SLC9C1: variants seen among roughly 807,000 people sequenced by gnomAD.
The protein encoded by SLC9C1 is sodium/hydrogen exchanger 10.
A neutral mutation model predicts 140.9 loss-of-function variants in SLC9C1; 97 were observed. The ratio of observed to expected loss-of-function variants is 0.69; its 90% CI spans 0.58 to 0.82. SLC9C1 has a LOEUF of 0.82. SLC9C1 is among the 40% of genes least tolerant of loss of function. The probability of loss-of-function intolerance (pLI) is 0.00; values close to 1 mark genes in which losing one functional copy is unlikely to be tolerated. For synonymous variants in SLC9C1, 440 were observed against 442.6 expected, an observed-to-expected ratio of 0.99 and a Z score of 0.07; for missense variants, 1,340 against 1,389.3, an observed-to-expected ratio of 0.96 and a Z score of 0.56.
At chr3:112,152,140 T>G (rs1332970106) in intron 27 of SLC9C1, among the ~76,000 whole-genome samples, 177 bp from the exon 28 acceptor site, 4 of 152,152 alleles carry the variant, frequency 2.6e-5, no homozygotes, top group African/African-American at 9.7e-5. Flanking sequence ...GCACTCAGCA[T>G]AGGGAAGACC....
rs2074645317 is a variant in SLC9C1, at chr3:112,142,110, C to G, written c.3525-829G>C. The stretch of plus-strand genomic sequence containing the variant: ...ATCCCTAGAAGCATAATCACTAATT[C>G]AAAGTGTGTGAGCATTCTTATAACT... On this transcript the variant is annotated intron_variant, in intron 28 of 28. Coordinates refer to ENST00000305815, the MANE Select transcript of SLC9C1 (RefSeq NM_183061.3). Among the ~76,000 whole-genome samples, 3 of 152,088 alleles carry G rather than the reference C, an allele frequency of 2.0e-5. No homozygotes were observed. In the South Asian group the frequency reaches 6.2e-4, roughly 32 times the overall value.
intron 13 of SLC9C1, among the ~76,000 whole-genome samples, chr3:112,226,522 G>A (rs1472942278): frequency 1.3e-5 from 2 of 152,014 alleles, no homozygotes; most frequent in Non-Finnish European, 2.9e-5. Context: ...AGGAGTTTGA[G>A]ACCAGCCTGG....
intron 28 of SLC9C1, among the ~76,000 whole-genome samples, chr3:112,143,398 A>G (rs1014846388): frequency 2.0e-5 from 3 of 152,026 alleles, no homozygotes; most frequent in African/African-American, 7.2e-5. Flanking sequence ...GCTTCATCAT[A>G]TCTGTTGTTT....
At chr3:112,203,073 C>G (rs1311594678) in intron 17 of SLC9C1, among the ~76,000 whole-genome samples, 1 of 152,030 alleles carries the variant, frequency 6.6e-6, no homozygotes, top group Non-Finnish European at 1.5e-5. Context: ...AGTCTTTTCT[C>G]ATTCTGTGCA....
At chr3:112,175,579 C>T (rs1420346686) in intron 23 of SLC9C1, among the ~76,000 whole-genome samples, 1 of 152,212 alleles carries the variant, frequency 6.6e-6, no homozygotes, top group Non-Finnish European at 1.5e-5. Context: ...GATGGTGGTC[C>T]ACCCTCCCTC....
At chr3:112,236,117 TAAGCTATTAATTATTGCTTCC>T (rs1297816973) in intron 12 of SLC9C1, among the ~76,000 whole-genome samples, 2 of 152,206 alleles carry the variant, frequency 1.3e-5, no homozygotes, top group Non-Finnish European at 2.9e-5. Flanking sequence ...TTTTGGTTGG[TAAGCTATTAATTATTGCTTCC>T]ATTTCAGAGC....
At chr3:112,256,479 T>A (rs2079609858) in intron 10 of SLC9C1, among the ~76,000 whole-genome samples, 1 of 152,080 alleles carries the variant, frequency 6.6e-6, no homozygotes, top group Non-Finnish European at 1.5e-5. Context: ...TATATGATGA[T>A]CTCCATAGAT....
At chr3:112,158,072 G>A (rs1280841713) in intron 26 of SLC9C1, among the ~76,000 whole-genome samples, 1 of 151,818 alleles carries the variant, frequency 6.6e-6, no homozygotes, top group Non-Finnish European at 1.5e-5. Context: ...TGATAAAAGT[G>A]GACATCCTTG....
chr3:112,202,210 G>T (rs769284186), intron 18 of SLC9C1, 40 bp downstream of exon 18: 2 of 1,604,190 alleles, frequency 1.2e-6, no homozygotes, highest in African/African-American at 2.7e-5. Context: ...GCAACTGAGG[G>T]CTGAGTGAAC....
At chr3:112,141,312 A>G (rs1326225297) in intron 28 of SLC9C1, 31 bp from the exon 29 acceptor site, 1 of 1,571,738 alleles carries the variant, frequency 6.4e-7, no homozygotes, top group African/African-American at 1.4e-5. Context: ...AAACAAAAAC[A>G]TAGAGGGCTT....
At chr3:112,186,031 A>C in intron 20 of SLC9C1, 1 of 1,383,074 alleles carries the variant, frequency 7.2e-7, no homozygotes, top group Admixed American at 2.6e-5. Flanking sequence ...TGTATTAGCC[A>C]TTTAAATATC....
chr3:112,143,965 A>G (rs967220690), intron 28 of SLC9C1, among the ~76,000 whole-genome samples: 1 of 152,070 alleles, frequency 6.6e-6, no homozygotes, highest in Admixed American at 6.6e-5. Context: ...TCTTCTGTAT[A>G]TGGCTAGCCA....
chr3:112,258,853 C>G (rs1320298757), intron 10 of SLC9C1, among the ~76,000 whole-genome samples: 2 of 152,104 alleles, frequency 1.3e-5, no homozygotes, highest in Admixed American at 1.3e-4. Flanking sequence ...AGGAAACTTA[C>G]AATCACGGCA....
intron 23 of SLC9C1, among the ~76,000 whole-genome samples, chr3:112,172,030 G>C (rs979909980): frequency 1.3e-5 from 2 of 152,056 alleles, no homozygotes; most frequent in African/African-American, 4.8e-5. Flanking sequence ...TTTAAATCAG[G>C]TAGTGTAAAT....
chr3:112,193,932 G>A (rs951069675), intron 20 of SLC9C1, among the ~76,000 whole-genome samples: 4 of 152,082 alleles, frequency 2.6e-5, no homozygotes, highest in Non-Finnish European at 5.9e-5. Flanking sequence ...ACACAACTGG[G>A]TTTGTGGCAT....
chr3:112,148,416 G>A (rs1307464149), intron 28 of SLC9C1, among the ~76,000 whole-genome samples: 1 of 152,120 alleles, frequency 6.6e-6, no homozygotes, highest in African/African-American at 2.4e-5. Context: ...TTCTTTTCAT[G>A]TGAGTAGAAT....
chr3:112,224,369 A>G (rs7431999), intron 13 of SLC9C1, among the ~76,000 whole-genome samples: 114,797 of 152,028 alleles, frequency 0.76, 43,760 homozygotes, highest in East Asian at 0.99. Flanking sequence ...ACTGTTTCAC[A>G]AGATCTGAAG....
chr3:112,287,202 A>T (rs58441065), intron 1 of SLC9C1, among the ~76,000 whole-genome samples: 1 of 152,248 alleles, frequency 6.6e-6, no homozygotes, highest in Non-Finnish European at 1.5e-5. Context: ...TGGAACCACA[A>T]GCTGGTGCAG....
chr3:112,182,172 C>A lies in SLC9C1; in HGVS notation c.2610G>T (p.Pro870=). ...LTVEEVLYHI[P]WLDKNKDYIN... ...TATAATCTTTGTTTTTATCTAGCCA[C>A]GGAATATGATATAGAACTTCTTCAA... The change falls in exon 21 of 29, where the codon CCG becomes CCT. Residue 870 remains proline, a synonymous_variant. Transcript: ENST00000305815. 1.3e-6 allele frequency: 2 copies of A among 1,587,500 alleles called. No individual in the cohort carries two copies. Among genetic ancestry groups the A allele is most frequent in the Non-Finnish European group, 1.7e-6 (2 of 1,167,764 alleles).
Sources: gnomAD v4.1 joint callset for allele counts (sites outside exome capture counted in the v4.1 genomes callset) on GRCh38, gnomAD v4.1.1 for gene constraint, MANE v1.5 for transcripts, NCBI Gene and HGNC (gene_info 2026-07-23, HGNC 2026-07-21) for gene names.